The following RBFOX2 variants were observed in gnomAD, a reference collection of about 807,000 sequenced individuals.
The protein encoded by RBFOX2 is RNA binding fox-1 homolog 2, also known as RNA binding protein fox-1 homolog 2.
RBFOX2 carries 10 observed loss-of-function variants against 49.1 expected under a neutral mutation model. That is an observed-to-expected ratio of 0.20 (90% CI 0.13 to 0.35). The LOEUF (loss-of-function observed/expected upper bound fraction) is 0.35. Among genes scored for constraint, RBFOX2 ranks in the 10% least tolerant of loss-of-function variants. The pLI, the probability that RBFOX2 is intolerant of heterozygous loss-of-function variation, is 1.00. For missense variants in RBFOX2, 323 were observed against 486.9 expected (o/e 0.66, Z 3.17); for synonymous variants, 183 against 187.4 (o/e 0.98, Z 0.19).
At chr22:35,796,098 C>G (rs183707489) in intron 2 of RBFOX2, among the ~76,000 whole-genome samples, 88 of 152,284 alleles carry the variant, frequency 5.8e-4, no homozygotes, top group Admixed American at 2.1e-3. Flanking sequence ...CTCAGCCTCC[C>G]TAAGTGCTGA....
chr22:35,852,346 G>A (rs915535537), intron 1 of RBFOX2, among the ~76,000 whole-genome samples: 6 of 152,002 alleles, frequency 3.9e-5, no homozygotes, highest in Admixed American at 1.3e-4. Flanking sequence ...ACAGTCTCCT[G>A]TATAGGTATT....
At chr22:35,805,289 CAAAAA>C (rs748086413) in intron 2 of RBFOX2, among the ~76,000 whole-genome samples, 44 of 37,912 alleles carry the variant, frequency 1.2e-3, no homozygotes, top group South Asian at 8.0e-3. Context: ...GACTCCGTCT[CAAAAA>C]AAAAAAAAAA....
At chr22:35,744,397 G>A (rs765931568) in intron 11 of RBFOX2, 148 bp from the exon 14 acceptor site, 24 of 672,752 alleles carry the variant, frequency 3.6e-5, no homozygotes, top group Admixed American at 3.5e-5. Flanking sequence ...AGTGAAGTCA[G>A]GAAACCAACT....
chr22:35,848,060 G>A (rs796957607), intron 1 of RBFOX2, among the ~76,000 whole-genome samples: 3 of 152,052 alleles, frequency 2.0e-5, no homozygotes, highest in African/African-American at 7.2e-5. Flanking sequence ...CAATTCACTT[G>A]GGAAACATTT....
At chr22:35,902,046 C>T (rs1210716333) in intron 1 of RBFOX2, among the ~76,000 whole-genome samples, 1 of 151,926 alleles carries the variant, frequency 6.6e-6, no homozygotes, top group Non-Finnish European at 1.5e-5. Flanking sequence ...CACCACTGCA[C>T]TCCAGCCTGG....
intron 1 of RBFOX2, among the ~76,000 whole-genome samples, chr22:36,015,277 T>C (rs1229618939): frequency 6.6e-6 from 1 of 152,244 alleles, no homozygotes; most frequent in Non-Finnish European, 1.5e-5. Context: ...ATGTAACTAA[T>C]GCAGACATAT....
chr22:35,831,619 T>C (rs1456123929), intron 1 of RBFOX2, among the ~76,000 whole-genome samples: 1 of 152,202 alleles, frequency 6.6e-6, no homozygotes, highest in Non-Finnish European at 1.5e-5. Context: ...CGGGTAGTTG[T>C]GACAGAAACA....
intron 1 of RBFOX2, among the ~76,000 whole-genome samples, chr22:35,896,564 G>A (rs1313760319): frequency 6.6e-6 from 1 of 152,136 alleles, no homozygotes; most frequent in Non-Finnish European, 1.5e-5. Flanking sequence ...TTCCCACTGT[G>A]CGTGCTCTGG....
At chr22:35,750,368 G>C (rs1180159619) in intron 9 of RBFOX2, 8 of 1,359,380 alleles carry the variant, frequency 5.9e-6, no homozygotes, top group African/African-American at 1.4e-5. Flanking sequence ...ATGCAAAACT[G>C]AAGCAACCAT....
chr22:36,027,519 A>AT (rs888643145), intron 1 of RBFOX2, among the ~76,000 whole-genome samples: 1 of 152,064 alleles, frequency 6.6e-6, no homozygotes, highest in African/African-American at 2.4e-5. Context: ...CTATAAAAAA[A>AT]TTTTTTTTAT....
chr22:35,844,264 A>T (rs2040881966), upstream of RBFOX2, among the ~76,000 whole-genome samples: 5 of 152,208 alleles, frequency 3.3e-5, no homozygotes, highest in South Asian at 1.0e-3. Context: ...GTCTGAGGGT[A>T]GAAATCATGT....
At chr22:36,024,663 C>G (rs2059364941) in intron 1 of RBFOX2, among the ~76,000 whole-genome samples, 2 of 151,730 alleles carry the variant, frequency 1.3e-5, no homozygotes, top group African/African-American at 4.8e-5. Context: ...ATTGCTTGAA[C>G]CCAGGAGGCA....
intron 1 of RBFOX2, among the ~76,000 whole-genome samples, chr22:35,880,913 T>C (rs893899846): frequency 3.9e-5 from 6 of 152,166 alleles, no homozygotes; most frequent in African/African-American, 7.2e-5. Context: ...TTAAAAGATA[T>C]AGACAGCATT....
intron 2 of RBFOX2, among the ~76,000 whole-genome samples, chr22:35,789,086 A>C (rs2147403417): frequency 6.6e-6 from 1 of 152,334 alleles, no homozygotes; most frequent in Middle Eastern, 3.4e-3. Flanking sequence ...TTAATATAGA[A>C]TATAACCCAT....
At chr22:35,940,634 A>G (rs973351257), upstream of RBFOX2, among the ~76,000 whole-genome samples, 1 of 152,212 alleles carries the variant, frequency 6.6e-6, no homozygotes, top group Non-Finnish European at 1.5e-5. Flanking sequence ...AATAATATAC[A>G]TGAATGTTCA....
intron 1 of RBFOX2, among the ~76,000 whole-genome samples, chr22:35,833,166 T>C (rs1244019975): frequency 1.3e-5 from 2 of 152,166 alleles, no homozygotes; most frequent in Admixed American, 1.3e-4. Flanking sequence ...ATGCAACTAG[T>C]CCAGGACAGT....
intron 5 of RBFOX2, among the ~76,000 whole-genome samples, chr22:35,767,054 G>A (rs1402332785): frequency 2.0e-4 from 31 of 152,164 alleles, no homozygotes; most frequent in Admixed American, 2.0e-3. Flanking sequence ...GTAGGGGCAG[G>A]AAGTGCATTA....
intron 1 of RBFOX2, among the ~76,000 whole-genome samples, chr22:35,871,937 A>G (rs1425425136): frequency 1.3e-5 from 2 of 152,228 alleles, no homozygotes; most frequent in East Asian, 3.8e-4. Context: ...TCTAATTTAG[A>G]GCACAGAGAT....
upstream of RBFOX2, among the ~76,000 whole-genome samples, chr22:35,964,389 T>C (rs2056437055): frequency 6.6e-6 from 1 of 152,242 alleles, no homozygotes; most frequent in African/African-American, 2.4e-5. Flanking sequence ...ATTATTCTAA[T>C]CCTATTATTC....
Sources: allele counts gnomAD v4.1 joint callset (sites outside exome capture counted in the v4.1 genomes callset), GRCh38; gene constraint gnomAD v4.1.1; transcripts MANE v1.5; gene names NCBI Gene and HGNC (gene_info 2026-07-23, HGNC 2026-07-21).